The following GALNTL5 variants were observed in gnomAD, a reference collection of about 807,000 sequenced individuals.
GALNTL5 encodes polypeptide N-acetylgalactosaminyltransferase like 5.
Under a neutral mutation model 51.0 loss-of-function variants are expected in GALNTL5, and 44 were observed. The ratio of observed to expected loss-of-function variants is 0.86; its 90% CI spans 0.68 to 1.11. The LOEUF is 1.11. GALNTL5 is among the 50% of genes least tolerant of loss of function. The pLI is 0.00. For synonymous variants in GALNTL5, 192 were observed against 182.8 expected, an observed-to-expected ratio of 1.05 and a Z score of -0.41; for missense variants, 528 against 531.8, an observed-to-expected ratio of 0.99 and a Z score of 0.07.
intron 6 of GALNTL5, among the ~76,000 whole-genome samples, chr7:152,005,987 T>G (rs2081637086): frequency 6.6e-6 from 1 of 151,982 alleles, no homozygotes; most frequent in Admixed American, 6.6e-5. Flanking sequence ...AATCACTATG[T>G]GGGTGAGTGG....
rs568646584 is a variant in GALNTL5 at position 151,990,491 on chromosome 7, G to A, written c.658+3210G>A. Among the ~76,000 whole-genome samples the A allele has an allele frequency of 1.8e-4, 27 of 148,028 alleles. No homozygotes were observed. The South Asian group carries it at 5.3e-3, about 29-fold the overall frequency. On this transcript the variant is annotated intron_variant, in intron 5 of 8. Coordinates refer to ENST00000392800, the MANE Select transcript of GALNTL5 (RefSeq NM_145292.4). ...AGCTACTCGGGAGGCTGAGGCAGGA[G>A]AATGGCGTGAACCCGGGAGGCGGAG...
At chr7:151,959,056 G>A (rs961885879) in intron 1 of GALNTL5, among the ~76,000 whole-genome samples, 3 of 152,148 alleles carry the variant, frequency 2.0e-5, no homozygotes, top group African/African-American at 4.8e-5. Flanking sequence ...TTCTCACTCC[G>A]GTCGTGGACT....
chr7:151,974,488 C>T (rs2081184155), intron 3 of GALNTL5, among the ~76,000 whole-genome samples: 1 of 152,206 alleles, frequency 6.6e-6, no homozygotes, highest in African/African-American at 2.4e-5. Flanking sequence ...AGCAGGGCCA[C>T]TTTGCCTTGT....
At chr7:151,959,057 G>T (rs973264498) in intron 1 of GALNTL5, among the ~76,000 whole-genome samples, 1 of 152,184 alleles carries the variant, frequency 6.6e-6, no homozygotes, top group Non-Finnish European at 1.5e-5. Context: ...TCTCACTCCG[G>T]TCGTGGACTC....
chr7:151,965,809 C>A (rs140911673), intron 1 of GALNTL5, among the ~76,000 whole-genome samples: 166 of 152,168 alleles, frequency 1.1e-3, no homozygotes, highest in African/African-American at 3.8e-3. Context: ...ATCACTTGAG[C>A]CCAGAAAATC....
At chr7:151,962,925 G>C (rs141245320) in intron 1 of GALNTL5, among the ~76,000 whole-genome samples, 73 of 152,104 alleles carry the variant, frequency 4.8e-4, no homozygotes, top group African/African-American at 1.7e-3. Flanking sequence ...TTCTTTATTT[G>C]CTTTTTCCTT....
chr7:152,015,288 G>A (rs916054562), intron 8 of GALNTL5, among the ~76,000 whole-genome samples: 15 of 151,246 alleles, frequency 9.9e-5, no homozygotes, highest in Admixed American at 4.6e-4. Context: ...TATTCCCTCC[G>A]TTCCCACCTC....
At chr7:151,996,725 A>G (rs548313560) in intron 5 of GALNTL5, among the ~76,000 whole-genome samples, 10 of 152,278 alleles carry the variant, frequency 6.6e-5, no homozygotes, top group East Asian at 1.9e-4. Flanking sequence ...CTCTAGACAG[A>G]GCAACACATC....
At chr7:151,982,320 A>T (rs1023105422) in intron 3 of GALNTL5, among the ~76,000 whole-genome samples, 3 of 152,196 alleles carry the variant, frequency 2.0e-5, no homozygotes, top group Non-Finnish European at 1.5e-5. Flanking sequence ...AGGCTGAGGC[A>T]GGAGAATCGC....
rs111879939 is a variant in GALNTL5 at position 151,995,522 on chromosome 7, C to T, written c.659-7192C>T. ...TTGAGAGAAGGAGTTTTTTTTTCTT[C>T]TATCAGCAACATTGCAGGGAAACAG... is the stretch of plus-strand genomic sequence containing the variant. On this transcript the variant is annotated intron_variant, in intron 5 of 8. Coordinates refer to ENST00000392800, the MANE Select transcript of GALNTL5 (RefSeq NM_145292.4). 6.8e-3 allele frequency among the ~76,000 whole-genome samples: 1,026 copies of T among 150,948 alleles called. 12 individuals carry two copies. The highest frequency in any genetic ancestry group is 0.024 in the African/African-American group (989 of 41,182).
At chr7:152,013,645 C>T (rs780905276) in intron 7 of GALNTL5, among the ~76,000 whole-genome samples, 8 of 152,034 alleles carry the variant, frequency 5.3e-5, no homozygotes, top group Non-Finnish European at 7.3e-5. Flanking sequence ...ATCATAAGCA[C>T]GTTCTTTGGG....
chr7:151,978,359 A>C (rs962979248), intron 3 of GALNTL5, among the ~76,000 whole-genome samples: 4 of 152,124 alleles, frequency 2.6e-5, no homozygotes, highest in African/African-American at 9.7e-5. Flanking sequence ...TCTTTTTCTA[A>C]TGTGCTTAAA....
chr7:152,018,966 A>C lies in GALNTL5; in HGVS notation c.1177-680A>C, dbSNP rs1434168589. Among the ~76,000 whole-genome samples the C allele has an allele frequency of 2.0e-5, 3 of 152,324 alleles. No homozygotes were observed. In the East Asian group the frequency reaches 5.8e-4, roughly 29 times the overall value. On this transcript the variant is annotated intron_variant, in intron 8 of 8. Coordinates refer to ENST00000392800, the MANE Select transcript of GALNTL5 (RefSeq NM_145292.4). ...TGCGAAGGGCTTCAGTCTACTTAGAATACCTTTTTTCAACATGGGGCCAAC... is the reference window on the plus strand; with the variant it reads ...TGCGAAGGGCTTCAGTCTACTTAGACTACCTTTTTTCAACATGGGGCCAAC...
intron 5 of GALNTL5, among the ~76,000 whole-genome samples, chr7:152,001,135 A>C (rs188103952): frequency 2.5e-3 from 365 of 145,816 alleles, no homozygotes; most frequent in Non-Finnish European, 3.0e-3. Flanking sequence ...CTGGTCTTGA[A>C]CTCCTGACCT....
intron 7 of GALNTL5, among the ~76,000 whole-genome samples, chr7:152,012,655 C>T (rs536140036): frequency 6.6e-6 from 1 of 152,304 alleles, no homozygotes; most frequent in African/African-American, 2.4e-5. Flanking sequence ...GACATGGAAT[C>T]AACCCAGATG....
At chr7:151,966,778 G>T (rs527693114) in intron 1 of GALNTL5, among the ~76,000 whole-genome samples, 170 of 152,234 alleles carry the variant, frequency 1.1e-3, no homozygotes, top group African/African-American at 3.8e-3. Flanking sequence ...CATCAGTGGT[G>T]GGCCACAGTA....
chr7:151,967,595 AC>A, intron 2 of GALNTL5, 102 bp downstream of exon 2: 1 of 917,642 alleles, frequency 1.1e-6, no homozygotes, highest in Non-Finnish European at 1.6e-6. Context: ...AAAGCAATTT[AC>A]TTTTTAAGAT....
intron 4 of GALNTL5, among the ~76,000 whole-genome samples, chr7:151,985,569 G>A (rs559368041): frequency 5.3e-5 from 8 of 152,026 alleles, no homozygotes; most frequent in African/African-American, 1.2e-4. Context: ...AGGGCCAGGG[G>A]CCCAGGGAAC....
intron 3 of GALNTL5, among the ~76,000 whole-genome samples, chr7:151,980,217 G>A (rs1051512820): frequency 5.9e-5 from 9 of 152,208 alleles, no homozygotes; most frequent in Admixed American, 6.5e-5. Context: ...CTGAGAAGCT[G>A]GGATTACAGT....
Sources: gnomAD v4.1 joint callset for allele counts (sites outside exome capture counted in the v4.1 genomes callset) on GRCh38, gnomAD v4.1.1 for gene constraint, MANE v1.5 for transcripts, NCBI Gene and HGNC (gene_info 2026-07-23, HGNC 2026-07-21) for gene names.